CTDP1: variants seen among roughly 807,000 people sequenced by gnomAD.
The protein encoded by CTDP1 is CTD phosphatase 1.
A neutral mutation model predicts 91.8 loss-of-function variants in CTDP1; 47 were observed. The ratio of observed to expected loss-of-function variants is 0.51; its 90% CI spans 0.41 to 0.65. The LOEUF (loss-of-function observed/expected upper bound fraction) is 0.65. Ranked by LOEUF, CTDP1 falls within the 30% of genes least tolerant of loss-of-function variation. The probability of loss-of-function intolerance (pLI) is 0.00; values close to 1 mark genes in which losing one functional copy is unlikely to be tolerated. For missense variants in CTDP1, 1,272 were observed against 1,373.7 expected (o/e 0.93, Z 1.17); for synonymous variants, 656 against 598.5 (o/e 1.10, Z -1.40).
Position 79,713,544 on chromosome 18 carries a change from G to A in CTDP1, c.1030+406G>A, listed in dbSNP as rs1006165120. Among the ~76,000 whole-genome samples, 4 of 152,264 alleles carry A rather than the reference G, an allele frequency of 2.6e-5. No individual in the cohort carries two copies. Among genetic ancestry groups the A allele is most frequent in the East Asian group, 3.8e-4 (2 of 5,200 alleles). ...CCCATGCGCAGTGGTCAGGCTGGGC[G>A]CTGGCTGGGGCCCCAGAGAGCAGCG... On this transcript the variant is annotated intron_variant, in intron 7 of 12. Transcript: ENST00000613122. The surrounding 1 kb of genome is among the most constrained non-coding windows in gnomAD (Gnocchi z 4.7).
chr18:79,677,284 ATTAAATT>A (rs1456563402), upstream of CTDP1: 1 of 152,270 alleles, frequency 6.6e-6, no homozygotes, highest in African/African-American at 2.4e-5. Flanking sequence ...CTTTAGAAAC[ATTAAATT>A]TTACAGAGTT....
intron 12 of CTDP1, among the ~76,000 whole-genome samples, chr18:79,745,043 A>G (rs1372734062): frequency 6.6e-6 from 1 of 152,186 alleles, no homozygotes; most frequent in African/African-American, 2.4e-5. Context: ...AGGCCACTCC[A>G]TGGGAAAGAC....
chr18:79,744,079 C>T (rs1215980470), intron 12 of CTDP1, among the ~76,000 whole-genome samples: 1 of 152,228 alleles, frequency 6.6e-6, no homozygotes, highest in Non-Finnish European at 1.5e-5. Flanking sequence ...AGAGGCTGAT[C>T]AGAAACTCAG....
At chr18:79,716,475 C>T (rs1186919401) in intron 8 of CTDP1, among the ~76,000 whole-genome samples, 2 of 152,230 alleles carry the variant, frequency 1.3e-5, no homozygotes, top group Admixed American at 6.5e-5. Context: ...GCGGGCTTTC[C>T]GTGGAGCCCA....
intron 4 of CTDP1, among the ~76,000 whole-genome samples, chr18:79,699,148 T>C (rs1410357589): frequency 1.3e-5 from 2 of 152,212 alleles, no homozygotes; most frequent in African/African-American, 2.4e-5. Flanking sequence ...GTGTTAGTCA[T>C]TTGTGTGTCT....
At chr18:79,715,673 A>G in intron 8 of CTDP1, 145 bp downstream of exon 8, 1 of 960,348 alleles carries the variant, frequency 1.0e-6, no homozygotes. Flanking sequence ...ATAGATCATG[A>G]CAGTGGGTGA....
At chr18:79,722,595 T>G (rs1418514254) in intron 10 of CTDP1, among the ~76,000 whole-genome samples, 2 of 152,230 alleles carry the variant, frequency 1.3e-5, no homozygotes, top group Non-Finnish European at 2.9e-5. Context: ...CCCCCTGGTC[T>G]GGGTGATTGC....
chr18:79,735,089 G>A (rs1273921309), intron 11 of CTDP1, among the ~76,000 whole-genome samples: 1 of 152,186 alleles, frequency 6.6e-6, no homozygotes, highest in African/African-American at 2.4e-5. Flanking sequence ...GGGCTCGGGG[G>A]CTGAGCTGTG....
rs3896722 is a variant in CTDP1 at position 79,689,134 on chromosome 18, G to A, written c.315-6091G>A. ...CAAGCCCTGGACCCCACGTGGCATC[G>A]CTGGTTGAACCCTCAAGAGTCAGCT... On this transcript the variant is annotated intron_variant, in intron 1 of 12. Transcript: ENST00000613122. Among the ~76,000 whole-genome samples, 500 of 152,246 alleles carry A rather than the reference G, an allele frequency of 3.3e-3. 14 individuals are homozygous for A. The highest frequency in any genetic ancestry group is 0.027 in the East Asian group (138 of 5,190).
chr18:79,680,211 G>T lies in CTDP1; in HGVS notation c.264G>T (p.Ala88=). 7.3e-7 allele frequency: 1 copy of T among 1,373,018 alleles called. No individual in the cohort carries two copies. Among genetic ancestry groups the T allele is most frequent in the Non-Finnish European group, 9.3e-7 (1 of 1,069,990 alleles). 85.1% of individuals were successfully genotyped at this position (1,373,018 alleles called of 1,614,324 possible). Residue 88 remains alanine (A), a synonymous_variant, in exon 1 of 13, where the codon GCG becomes GCT. Transcript: ENST00000613122. ...AACGCAGGCTGAGGTCGGAGCGCGC[G>T]GGCGTGGTGCGGGAGCTGTGCGCGC... ...RPERRLRSER[A]GVVRELCAQP...
chr18:79,711,327 G>A (rs116040484), intron 6 of CTDP1, among the ~76,000 whole-genome samples: 2,142 of 152,278 alleles, frequency 0.014, 54 homozygotes, highest in African/African-American at 0.048. Flanking sequence ...ATTTGTGGTT[G>A]GAGAGGCAGG....
chr18:79,720,304 GTGTCCTGGTGATGCTGTC>G, intron 10 of CTDP1, among the ~76,000 whole-genome samples: 1 of 9,922 alleles, frequency 1.0e-4, no homozygotes, highest in South Asian at 3.6e-3. Flanking sequence ...ACCTCCTATT[GTGTCCTGGTGATGCTGTC>G]ACCTCCCGTC....
At chr18:79,682,442 TC>T in intron 1 of CTDP1, among the ~76,000 whole-genome samples, 1 of 152,250 alleles carries the variant, frequency 6.6e-6, no homozygotes, top group Non-Finnish European at 1.5e-5. Context: ...GGTAGAAATC[TC>T]CGCAGCTTTT....
At chr18:79,702,651 G>A (rs754590392) in intron 4 of CTDP1, 1 of 152,150 alleles carries the variant, frequency 6.6e-6, no homozygotes, top group Non-Finnish European at 1.5e-5. Context: ...TGGGATTATA[G>A]GCATTGAGCC....
intron 4 of CTDP1, among the ~76,000 whole-genome samples, chr18:79,699,693 C>G (rs1386281025): frequency 6.6e-6 from 1 of 152,026 alleles, no homozygotes; most frequent in Non-Finnish European, 1.5e-5. Flanking sequence ...TTTATTGTGC[C>G]TTTGAAGTTG....
At chr18:79,719,959 G>A (rs1197029976) in intron 10 of CTDP1, among the ~76,000 whole-genome samples, 1 of 148,482 alleles carries the variant, frequency 6.7e-6, no homozygotes, top group Non-Finnish European at 1.5e-5. Context: ...GCATCCTGGT[G>A]ATGATGTCAC....
chr18:79,722,243 A>C (rs1364310816), intron 10 of CTDP1, among the ~76,000 whole-genome samples: 2 of 152,358 alleles, frequency 1.3e-5, no homozygotes, highest in East Asian at 3.9e-4. Context: ...CTTGAATGAC[A>C]CTAATAACAT....
Position 79,737,678 on chromosome 18 carries a change from C to T in CTDP1, c.2747+1157C>T, listed in dbSNP as rs115156803. Among the ~76,000 whole-genome samples the T allele has an allele frequency of 4.1e-3, 625 of 152,168 alleles. 4 individuals carry two copies. The highest frequency in any genetic ancestry group is 0.013 in the African/African-American group (521 of 41,518). On this transcript the variant is annotated intron_variant, in intron 12 of 12. Coordinates refer to ENST00000613122, the MANE Select transcript of CTDP1 (RefSeq NM_004715.5). Reference sequence around the variant, plus strand: ...TGTGAAAGGCAGCCACCTCACTGCCCGGTTCTGGGTGGTGGCGGAGACCTG... The same window carrying T: ...TGTGAAAGGCAGCCACCTCACTGCCTGGTTCTGGGTGGTGGCGGAGACCTG...
At chr18:79,694,861 A>G (rs2085715414) in intron 1 of CTDP1, among the ~76,000 whole-genome samples, 1 of 152,246 alleles carries the variant, frequency 6.6e-6, no homozygotes, top group Admixed American at 6.5e-5. Flanking sequence ...TAGATTTTAT[A>G]AATTCTCTAA....
Sources: gnomAD v4.1 joint callset for allele counts (sites outside exome capture counted in the v4.1 genomes callset) on GRCh38, gnomAD v4.1.1 for gene constraint, Gnocchi (gnomAD v3.1) non-coding constraint, MANE v1.5 for transcripts, NCBI Gene and HGNC (gene_info 2026-07-23, HGNC 2026-07-21) for gene names.